Variants in NBEA observed in about 807,000 individuals in gnomAD.
NBEA encodes lysosomal-trafficking regulator 2.
NBEA carries 44 observed loss-of-function variants against 343.4 expected under a neutral mutation model. The ratio of observed to expected loss-of-function variants is 0.13; its 90% CI spans 0.10 to 0.16. The LOEUF (loss-of-function observed/expected upper bound fraction) is 0.16, where lower values mean the gene tolerates loss of function less well. NBEA is among the 10% of genes least tolerant of loss of function. The probability of loss-of-function intolerance (pLI) is 1.00; values close to 1 mark genes in which losing one functional copy is unlikely to be tolerated. For synonymous variants in NBEA, 1,175 were observed against 1,238.7 expected, an observed-to-expected ratio of 0.95 and a Z score of 1.08; for missense variants, 2,555 against 3,631.3, an observed-to-expected ratio of 0.70 and a Z score of 7.62.
At chr13:35,078,893 G>A (rs182244888) in intron 10 of NBEA, among the ~76,000 whole-genome samples, 2 of 152,196 alleles carry the variant, frequency 1.3e-5, no homozygotes, top group Non-Finnish European at 2.9e-5. Context: ...GTGGTGGCAC[G>A]TGCCTGTAGT....
chr13:35,574,091 G>T (rs1410902011), intron 45 of NBEA, among the ~76,000 whole-genome samples: 1 of 151,974 alleles, frequency 6.6e-6, no homozygotes, highest in Non-Finnish European at 1.5e-5. Flanking sequence ...AACTTTCTTA[G>T]GAACTATCTT....
chr13:35,405,198 GTTGATGTAATT>G (rs1161015834), intron 38 of NBEA, among the ~76,000 whole-genome samples: 4 of 152,278 alleles, frequency 2.6e-5, no homozygotes, highest in South Asian at 4.1e-4. Flanking sequence ...CTGTGTAACA[GTTGATGTAATT>G]ACTATTTATT....
At chr13:35,339,160 T>C (rs2039438613) in intron 36 of NBEA, among the ~76,000 whole-genome samples, 1 of 151,874 alleles carries the variant, frequency 6.6e-6, no homozygotes, top group Admixed American at 6.6e-5. Context: ...GTGTAGTTAA[T>C]TAAGAAAACA....
chr13:35,237,149 C>G (rs1045061734), intron 34 of NBEA, among the ~76,000 whole-genome samples: 15 of 152,056 alleles, frequency 9.9e-5, no homozygotes, highest in Admixed American at 2.0e-4. Flanking sequence ...CCCAGCTACT[C>G]TGGAGGCTGA....
chr13:35,121,724 T>C (rs1239796511), intron 16 of NBEA, among the ~76,000 whole-genome samples: 1 of 152,106 alleles, frequency 6.6e-6, no homozygotes, highest in Non-Finnish European at 1.5e-5. Flanking sequence ...ATCAATAACA[T>C]CTTTTCTTTT....
intron 35 of NBEA, among the ~76,000 whole-genome samples, chr13:35,294,182 G>A (rs2035967029): frequency 6.6e-6 from 1 of 150,678 alleles, no homozygotes; most frequent in Admixed American, 6.7e-5. Flanking sequence ...TCATTGATGT[G>A]ATCAAAGCAT....
chr13:35,639,089 C>T (rs1199987710), intron 49 of NBEA, among the ~76,000 whole-genome samples: 2 of 152,050 alleles, frequency 1.3e-5, no homozygotes, highest in Non-Finnish European at 2.9e-5. Context: ...CTCGGATTAC[C>T]AAATATTTGC....
intron 49 of NBEA, among the ~76,000 whole-genome samples, chr13:35,643,254 C>T (rs117746242): frequency 0.016 from 2,488 of 152,174 alleles, 35 homozygotes; most frequent in Non-Finnish European, 0.026. Flanking sequence ...TCCCCTTCCC[C>T]TCTGTCACTC....
chr13:35,252,522 C>T (rs1052144420), intron 34 of NBEA, among the ~76,000 whole-genome samples: 1 of 152,164 alleles, frequency 6.6e-6, no homozygotes, highest in African/African-American at 2.4e-5. Context: ...ATTGTCATAA[C>T]AAAGGTAGGG....
intron 6 of NBEA, among the ~76,000 whole-genome samples, chr13:35,051,544 A>G (rs2063065915): frequency 1.3e-5 from 2 of 152,026 alleles, no homozygotes; most frequent in African/African-American, 2.4e-5. Context: ...AAGAATATCA[A>G]TTTAACAGTA....
At chr13:35,038,427 G>A (rs927678681) in intron 1 of NBEA, among the ~76,000 whole-genome samples, 10 of 152,038 alleles carry the variant, frequency 6.6e-5, no homozygotes, top group African/African-American at 2.2e-4. Context: ...TTTATCAAGC[G>A]GAAGGGGTTT....
chr13:34,992,734 A>G (rs1023022718), intron 1 of NBEA, among the ~76,000 whole-genome samples: 1 of 151,570 alleles, frequency 6.6e-6, no homozygotes, highest in African/African-American at 2.4e-5. Flanking sequence ...GTGCAGTGGC[A>G]TGATCTCAGC....
chr13:35,263,405 A>G (rs978476695), intron 34 of NBEA, among the ~76,000 whole-genome samples: 2 of 152,188 alleles, frequency 1.3e-5, no homozygotes, highest in Non-Finnish European at 2.9e-5. Context: ...GAAACATTGG[A>G]CTTAAACTGT....
At chr13:35,242,940 CA>C (rs1469073669) in intron 34 of NBEA, among the ~76,000 whole-genome samples, 3 of 151,728 alleles carry the variant, frequency 2.0e-5, no homozygotes, top group African/African-American at 7.2e-5. Flanking sequence ...GGATTCTACA[CA>C]GTAACTCAAA....
intron 41 of NBEA, chr13:35,475,139 C>G: frequency 6.2e-7 from 1 of 1,614,074 alleles, no homozygotes; most frequent in South Asian, 1.1e-5. Context: ...TTTTCCAGAG[C>G]TGAGTGAGGT....
chr13:35,414,209 T>G (rs1040597836), intron 38 of NBEA, among the ~76,000 whole-genome samples: 1 of 150,988 alleles, frequency 6.6e-6, no homozygotes. Context: ...TACAAATTAT[T>G]AATAATAGTC....
intron 35 of NBEA, among the ~76,000 whole-genome samples, chr13:35,302,336 G>C (rs1023342027): frequency 4.6e-5 from 7 of 152,106 alleles, no homozygotes; most frequent in Non-Finnish European, 1.0e-4. Context: ...CCTTCCTTCA[G>C]AAAAGACAAT....
At position 35,566,966 on chromosome 13, in the gene NBEA, A is replaced by C; in HGVS notation, c.6984A>C (p.Glu2328Asp). 6.2e-7 allele frequency: 1 copy of C among 1,613,014 alleles called. No individual in the cohort carries two copies. The highest frequency in any genetic ancestry group is 1.1e-5 in the South Asian group (1 of 91,052). Residue 2328 changes from glutamate (E) to aspartate (D), a missense_variant, in exon 45 of 59, where the codon GAA becomes GAC. Transcript: ENST00000379939. The part of the protein sequence containing the change: ...PVFPWVLTNY[E>D]SEELDLTLPG... ...TTCCGTGGGTGTTAACCAACTATGA[A>C]TCAGAAGAGTTGGACCTGACTCTTC...
chr13:35,518,914 T>C (rs558566390), intron 41 of NBEA, among the ~76,000 whole-genome samples: 1 of 152,278 alleles, frequency 6.6e-6, no homozygotes, highest in Admixed American at 6.5e-5. Context: ...AAGAGAGCAA[T>C]TCTTCATTCA....
Sources: allele counts gnomAD v4.1 joint callset (sites outside exome capture counted in the v4.1 genomes callset), GRCh38; gene constraint gnomAD v4.1.1; transcripts MANE v1.5; gene names NCBI Gene and HGNC (gene_info 2026-07-23, HGNC 2026-07-21).